The following SPAG9 variants were observed in gnomAD, a reference collection of about 807,000 sequenced individuals.
SPAG9 encodes sperm associated antigen 9, also known as C-Jun-amino-terminal kinase-interacting protein 4.
A neutral mutation model predicts 166.5 loss-of-function variants in SPAG9; 35 were observed. The ratio of observed to expected loss-of-function variants is 0.21; its 90% CI spans 0.16 to 0.28. SPAG9 has a LOEUF of 0.28. Ranked by LOEUF, SPAG9 falls within the 10% of genes least tolerant of loss-of-function variation. The pLI is 1.00. For missense variants in SPAG9, 1,235 were observed against 1,603.3 expected, an observed-to-expected ratio of 0.77 and a Z score of 3.92; for synonymous variants, 534 against 565.5, an observed-to-expected ratio of 0.94 and a Z score of 0.79.
chr17:51,115,089 T>G (rs939225794), intron 1 of SPAG9, among the ~76,000 whole-genome samples: 1 of 152,214 alleles, frequency 6.6e-6, no homozygotes. Flanking sequence ...AAGTCTCCAT[T>G]TAAACAAAAA....
chr17:51,074,921 G>C (rs968981401), intron 2 of SPAG9, among the ~76,000 whole-genome samples: 2 of 152,028 alleles, frequency 1.3e-5, no homozygotes, highest in African/African-American at 4.8e-5. Flanking sequence ...ACTAGGCCAG[G>C]CACAGTGGTT....
At chr17:51,036,897 C>T (rs2046608880) in intron 5 of SPAG9, among the ~76,000 whole-genome samples, 1 of 152,164 alleles carries the variant, frequency 6.6e-6, no homozygotes, top group African/African-American at 2.4e-5. Flanking sequence ...TACTATACCA[C>T]CTTAATAATT....
At chr17:50,982,034 GAA>G (rs896339872) in intron 25 of SPAG9, among the ~76,000 whole-genome samples, 1 of 130,506 alleles carries the variant, frequency 7.7e-6, no homozygotes, top group Non-Finnish European at 1.7e-5. Flanking sequence ...CTCTGTCTCA[GAA>G]AAAAAAAAAA....
At chr17:50,986,176 C>T (rs981353385) in intron 22 of SPAG9, among the ~76,000 whole-genome samples, 1 of 152,218 alleles carries the variant, frequency 6.6e-6, no homozygotes, top group Non-Finnish European at 1.5e-5. Flanking sequence ...CAGTCTGCCA[C>T]CTGTTTTAAT....
chr17:51,047,467 CATCT>C lies in SPAG9; in HGVS notation c.496-2_497del. On this transcript the variant is annotated splice_acceptor_variant and coding_sequence_variant, in exon 4 of 30. Transcript: ENST00000262013. LOFTEE classifies it high-confidence loss of function. ...CTAAATGTTCCATATAATTATGGAT[CATCT>C]ATTTTAAAGAAAGAAAAAATACACA... The C allele has an allele frequency of 6.8e-7, 1 of 1,469,420 alleles. No individual in the cohort carries two copies. Among genetic ancestry groups the C allele is most frequent in the Non-Finnish European group, 9.3e-7 (1 of 1,080,382 alleles). The allele number at this position is 1,469,420 out of a possible 1,614,324, so 91.0% of individuals were successfully genotyped here.
chr17:50,975,820 T>C (rs774698072), intron 27 of SPAG9: 11 of 1,471,412 alleles, frequency 7.5e-6, no homozygotes, highest in Non-Finnish European at 1.8e-6. Context: ...ACAGTGGCTA[T>C]TAGAAGCCAG....
intron 19 of SPAG9, among the ~76,000 whole-genome samples, chr17:50,992,058 T>TTTTGA (rs930492923): frequency 2.0e-5 from 3 of 151,324 alleles, no homozygotes; most frequent in African/African-American, 7.3e-5. Context: ...CCGCCTCATT[T>TTTTGA]TTTGATTTTT....
chr17:51,058,372 T>C (rs964621505), intron 2 of SPAG9, among the ~76,000 whole-genome samples: 2 of 152,158 alleles, frequency 1.3e-5, no homozygotes, highest in African/African-American at 4.8e-5. Context: ...AGTATTATTA[T>C]TACATCCATG....
In SPAG9 at chr17:51,068,371, T is replaced by A. The variant is rs1310245186; in HGVS notation, c.424+11213A>T. On this transcript the variant is annotated intron_variant, in intron 2 of 29. Coordinates refer to ENST00000262013, the MANE Select transcript of SPAG9 (RefSeq NM_001130528.3). ...ATGACACAATGTGAAATTATACATA[T>A]TTTAAAGCTATCATGAATCAATGAT... Among the ~76,000 whole-genome samples, 5 of 152,232 alleles carry A rather than the reference T, an allele frequency of 3.3e-5. No homozygotes were observed. The East Asian group carries it at 9.6e-4, about 29-fold the overall frequency.
intron 1 of SPAG9, among the ~76,000 whole-genome samples, chr17:51,095,619 C>T (rs1416410979): frequency 6.6e-6 from 1 of 150,710 alleles, no homozygotes; most frequent in Non-Finnish European, 1.5e-5. Context: ...CCACTGCACT[C>T]CAGCCTGGGC....
chr17:50,994,049 TG>T, intron 18 of SPAG9, 114 bp from the exon 19 acceptor site: 1 of 1,032,382 alleles, frequency 9.7e-7, no homozygotes, highest in Non-Finnish European at 1.4e-6. Flanking sequence ...CCAGATTATT[TG>T]GAAGGGTAAA....
intron 1 of SPAG9, among the ~76,000 whole-genome samples, chr17:51,103,804 T>C (rs554656834): frequency 1.3e-5 from 2 of 152,314 alleles, no homozygotes; most frequent in Admixed American, 6.5e-5. Context: ...AGGTTGGCCA[T>C]ACTGGAAGCA....
At chr17:51,046,642 G>A in intron 4 of SPAG9, 2 of 1,536,054 alleles carry the variant, frequency 1.3e-6, no homozygotes, top group South Asian at 2.4e-5. Context: ...ACAAACAGCA[G>A]CATGCATCCA....
intron 1 of SPAG9, among the ~76,000 whole-genome samples, chr17:51,105,173 C>T (rs1300635195): frequency 1.3e-5 from 2 of 152,006 alleles, no homozygotes; most frequent in Non-Finnish European, 2.9e-5. Context: ...TAATAATCAA[C>T]AAATGGTAAA....
At chr17:50,978,956 G>GC (rs1455939752) in intron 26 of SPAG9, among the ~76,000 whole-genome samples, 1 of 152,138 alleles carries the variant, frequency 6.6e-6, no homozygotes, top group Non-Finnish European at 1.5e-5. Context: ...AAAGGATAGT[G>GC]GTAGAGATAA....
chr17:51,093,041 G>A (rs950099700), intron 1 of SPAG9, among the ~76,000 whole-genome samples: 3 of 147,550 alleles, frequency 2.0e-5, no homozygotes, highest in African/African-American at 5.0e-5. Context: ...TACTATTCTC[G>A]GTAATCATCA....
At chr17:50,973,853 T>G (rs1311330406) in intron 28 of SPAG9, among the ~76,000 whole-genome samples, 2 of 152,324 alleles carry the variant, frequency 1.3e-5, no homozygotes, top group East Asian at 3.9e-4. Flanking sequence ...TCCCGGGGTC[T>G]CCAGCCTGCC....
chr17:51,037,561 C>T (rs553786812), intron 5 of SPAG9, among the ~76,000 whole-genome samples: 15 of 148,876 alleles, frequency 1.0e-4, no homozygotes, highest in Admixed American at 2.0e-4. Context: ...TGCAGTGAGC[C>T]GAGATTGCAC....
intron 9 of SPAG9, among the ~76,000 whole-genome samples, chr17:51,012,345 G>A (rs939727810): frequency 6.6e-6 from 1 of 152,110 alleles, no homozygotes; most frequent in African/African-American, 2.4e-5. Flanking sequence ...GCCAAGACAG[G>A]CGAATCATGA....
Sources: gnomAD v4.1 joint callset for allele counts (sites outside exome capture counted in the v4.1 genomes callset) on GRCh38, gnomAD v4.1.1 for gene constraint, MANE v1.5 for transcripts, NCBI Gene and HGNC (gene_info 2026-07-23, HGNC 2026-07-21) for gene names.